The following TRDN variants were observed in gnomAD, a reference collection of about 807,000 sequenced individuals.
TRDN encodes the protein triadin.
Under a neutral mutation model 149.7 loss-of-function variants are expected in TRDN, and 161 were observed. That is an observed-to-expected ratio of 1.08 (90% CI 0.95 to 1.23). The LOEUF (loss-of-function observed/expected upper bound fraction) is 1.23, where lower values mean the gene tolerates loss of function less well. Ranked by LOEUF, TRDN falls within the 50% of genes most tolerant of loss-of-function variation. The probability of loss-of-function intolerance (pLI) is 0.00; values close to 1 mark genes in which losing one functional copy is unlikely to be tolerated. For missense variants in TRDN, 896 were observed against 823.5 expected, an observed-to-expected ratio of 1.09 and a Z score of -1.08; for synonymous variants, 294 against 250.5, an observed-to-expected ratio of 1.17 and a Z score of -1.64.
At chr6:123,496,278 T>C (rs1778444440) in intron 9 of TRDN, among the ~76,000 whole-genome samples, 2 of 151,450 alleles carry the variant, frequency 1.3e-5, no homozygotes, top group African/African-American at 4.8e-5. Context: ...AAGGTTCTCA[T>C]TGTCTAGTTT....
chr6:123,472,524 C>G (rs906553053), intron 9 of TRDN, among the ~76,000 whole-genome samples: 1 of 152,218 alleles, frequency 6.6e-6, no homozygotes, highest in Admixed American at 6.5e-5. Context: ...CGCCATTGCC[C>G]AGGCTTTCTT....
intron 38 of TRDN, among the ~76,000 whole-genome samples, chr6:123,243,822 A>G (rs867442196): frequency 6.6e-6 from 1 of 152,194 alleles, no homozygotes; most frequent in African/African-American, 2.4e-5. Context: ...ACATAAAGTG[A>G]CAGAATATTG....
chr6:123,584,308 A>C (rs1783304871), intron 1 of TRDN, among the ~76,000 whole-genome samples: 1 of 152,178 alleles, frequency 6.6e-6, no homozygotes, highest in Admixed American at 6.5e-5. Flanking sequence ...GTTATGAGAA[A>C]TGTAGAGAGT....
At chr6:123,495,161 C>T (rs572299517) in intron 9 of TRDN, among the ~76,000 whole-genome samples, 39 of 152,242 alleles carry the variant, frequency 2.6e-4, no homozygotes, top group Non-Finnish European at 4.4e-5. Flanking sequence ...CCAAGCAGTC[C>T]TCCCACCTCA....
Position 123,393,647 on chromosome 6 carries a change from C to T in TRDN, c.1082G>A (p.Gly361Glu). ...ACCTTGTGCTGCAATTTTTACAGTC[C>T]CTTGTTTGGTTTCAGAAGCTTTTCC... ...EPGKASETKQ[G>E]TVKIAAQAAA... Residue 361 changes from glycine (G) to glutamate (E), a missense_variant, in exon 13 of 41, where the codon GGG (glycine) becomes GAG (glutamate). Transcript: ENST00000334268. 2 of 1,605,554 alleles carry T rather than the reference C, an allele frequency of 1.2e-6. No homozygotes were observed. The highest frequency in any genetic ancestry group is 1.1e-5 in the South Asian group (1 of 89,880).
At chr6:123,590,977 C>T (rs150455084) in intron 1 of TRDN, among the ~76,000 whole-genome samples, 22 of 152,012 alleles carry the variant, frequency 1.4e-4, no homozygotes, top group South Asian at 8.3e-4. Flanking sequence ...GTAGCCCAAG[C>T]GCTTTGATAT....
intron 9 of TRDN, among the ~76,000 whole-genome samples, chr6:123,487,685 T>C (rs1049660361): frequency 6.6e-6 from 1 of 152,136 alleles, no homozygotes; most frequent in African/African-American, 2.4e-5. Context: ...TTGTCTGATG[T>C]TTGCCAATTT....
rs564737633 is a variant in TRDN at position 123,579,265 on chromosome 6, T to C, written c.23-8133A>G. Among the ~76,000 whole-genome samples, 5 of 152,280 alleles carry C rather than the reference T, an allele frequency of 3.3e-5. No individual in the cohort carries two copies. In the South Asian group the frequency reaches 1.0e-3, roughly 32 times the overall value. ...CAGATTTTGCCCCATCAGTATGACG[T>C]TGGCTGTGGGTTTATCACAGATGGC... On this transcript the variant is annotated intron_variant, in intron 1 of 40. Coordinates refer to ENST00000334268, the MANE Select transcript of TRDN (RefSeq NM_006073.4).
intron 38 of TRDN, among the ~76,000 whole-genome samples, chr6:123,243,663 G>A (rs1301310086): frequency 2.0e-5 from 3 of 152,184 alleles, no homozygotes; most frequent in East Asian, 1.9e-4. Flanking sequence ...CCTTTATCAA[G>A]TAAAAGAAAA....
chr6:123,248,624 T>C (rs28419273), intron 38 of TRDN, among the ~76,000 whole-genome samples: 1 of 151,956 alleles, frequency 6.6e-6, no homozygotes, highest in Non-Finnish European at 1.5e-5. Flanking sequence ...GGAAAAAATA[T>C]TGGATACTGA....
rs775894243 is a variant in TRDN at position 123,388,481 on chromosome 6, G to A, written c.1135+41C>T. On this transcript the variant is annotated intron_variant, in intron 14 of 40. Transcript: ENST00000334268. ...ACCCAACTCAGGATATTGGTAAATTGTACTCACAAAAGGCTCAGTGGGATT... is the reference window on the plus strand; with the variant it reads ...ACCCAACTCAGGATATTGGTAAATTATACTCACAAAAGGCTCAGTGGGATT... The A allele has an allele frequency of 2.5e-6, 4 of 1,571,954 alleles. No homozygotes were observed. The Admixed American group carries it at 5.6e-5, about 22-fold the overall frequency.
rs1775012623 is a variant in TRDN, at chr6:123,218,019, T to A, written c.*582A>T. ...AGAGATATTTTGAGCTCTAAAAGAG[T>A]ATCACAAGAAATTTATAGCAGTCTG... On this transcript the variant is annotated 3_prime_UTR_variant, in exon 41 of 41. Coordinates refer to ENST00000334268, the MANE Select transcript of TRDN (RefSeq NM_006073.4). The A allele has an allele frequency of 6.6e-6, 1 of 151,882 alleles. No homozygotes were observed. Among genetic ancestry groups the A allele is most frequent in the African/African-American group, 2.4e-5 (1 of 41,378 alleles). 9.4% of individuals were successfully genotyped at this position (151,882 alleles called of 1,614,324 possible).
chr6:123,591,740 A>G (rs1224700849), intron 1 of TRDN, among the ~76,000 whole-genome samples: 2 of 152,196 alleles, frequency 1.3e-5, no homozygotes, highest in African/African-American at 4.8e-5. Flanking sequence ...TATGAAGAAA[A>G]AAACCAGCAG....
At chr6:123,609,719 T>C (rs989534998) in intron 1 of TRDN, among the ~76,000 whole-genome samples, 4 of 152,192 alleles carry the variant, frequency 2.6e-5, no homozygotes, top group African/African-American at 9.6e-5. Context: ...CCTGAGAATG[T>C]TCCCACTTTT....
chr6:123,413,206 A>C (rs1773513109), intron 12 of TRDN, among the ~76,000 whole-genome samples: 1 of 152,214 alleles, frequency 6.6e-6, no homozygotes, highest in Non-Finnish European at 1.5e-5. Context: ...TGTTCTCAAC[A>C]AATTCCCAGT....
intron 13 of TRDN, among the ~76,000 whole-genome samples, chr6:123,389,033 G>A (rs1327092760): frequency 1.3e-5 from 2 of 152,060 alleles, no homozygotes; most frequent in Non-Finnish European, 2.9e-5. Context: ...TTCAGGAAGG[G>A]AAAATAAATA....
At chr6:123,459,783 C>T (rs1033714962) in intron 10 of TRDN, among the ~76,000 whole-genome samples, 1 of 152,202 alleles carries the variant, frequency 6.6e-6, no homozygotes, top group Non-Finnish European at 1.5e-5. Flanking sequence ...TCAGCTCTAA[C>T]ACTTAATTGC....
chr6:123,381,077 C>T (rs1781700698), intron 16 of TRDN, among the ~76,000 whole-genome samples: 1 of 152,024 alleles, frequency 6.6e-6, no homozygotes, highest in Non-Finnish European at 1.5e-5. Context: ...TTTACAAAAA[C>T]ATAAGTCAGT....
intron 10 of TRDN, among the ~76,000 whole-genome samples, chr6:123,463,630 C>T (rs1004903675): frequency 6.9e-4 from 105 of 151,932 alleles, no homozygotes; most frequent in African/African-American, 2.1e-3. Flanking sequence ...ATTAAGGCAA[C>T]GCTATTATTT....
Sources: allele counts gnomAD v4.1 joint callset (sites outside exome capture counted in the v4.1 genomes callset), GRCh38; gene constraint gnomAD v4.1.1; transcripts MANE v1.5; gene names NCBI Gene and HGNC (gene_info 2026-07-23, HGNC 2026-07-21).